IL17RA: variants seen among roughly 807,000 people sequenced by gnomAD.
IL17RA encodes the protein interleukin 17 receptor A, also known as interleukin-17 receptor A.
In IL17RA, 34 loss-of-function variants were observed where a neutral mutation model predicts 50.4. That is an observed-to-expected ratio of 0.67 (90% confidence interval 0.51 to 0.90). The LOEUF (loss-of-function observed/expected upper bound fraction) is 0.90, where lower values mean the gene tolerates loss of function less well. Ranked by LOEUF, IL17RA falls within the 40% of genes least tolerant of loss-of-function variation. The pLI is 0.00. For synonymous variants in IL17RA, 585 were observed against 510.4 expected (o/e 1.15, Z -1.97); for missense variants, 1,276 against 1,169.8 (o/e 1.09, Z -1.32).
chr22:17,100,440 A>G lies in IL17RA; in HGVS notation c.509A>G (p.Asp170Gly). The change falls in exon 5 of 13, where the codon GAT becomes GGT. Residue 170 changes from aspartate to glycine, a missense_variant. Transcript: ENST00000319363. ...CACCACCTGCCCAAGCCCATCCCTG[A>G]TGGGGACCCAAACCACCAGTCCAAG... The part of the protein sequence containing the change: ...TVHHLPKPIP[D>G]GDPNHQSKNF... The G allele has an allele frequency of 6.2e-7, 1 of 1,614,138 alleles. No homozygotes were observed. The highest frequency in any genetic ancestry group is 1.3e-5 in the African/African-American group (1 of 75,020).
rs973738410 is a variant in IL17RA, at chr22:17,108,585, C to A, written c.1366C>A (p.Gln456Lys). ...LCSRGTRAKW[Q>K]ALLGRGAPVR... is the part of the protein sequence containing the mutation. ...CTCCCGCGGCACGCGCGCCAAGTGG[C>A]AGGCGCTCCTGGGCCGGGGGGCGCC... Residue 456 changes from glutamine (Q) to lysine (K), a missense_variant, in exon 13 of 13, where the codon CAG (glutamine) becomes AAG (lysine). Transcript: ENST00000319363. The A allele has an allele frequency of 1.2e-6, 2 of 1,605,604 alleles. No individual in the cohort carries two copies. Among genetic ancestry groups the A allele is most frequent in the Admixed American group, 1.7e-5 (1 of 59,990 alleles).
At chr22:17,098,231 A>G (rs1200071457) in intron 3 of IL17RA, among the ~76,000 whole-genome samples, 1 of 152,258 alleles carries the variant, frequency 6.6e-6, no homozygotes, top group African/African-American at 2.4e-5. Flanking sequence ...TTGTGACTAC[A>G]GTACCAAAAA....
intron 2 of IL17RA, 53 bp downstream of exon 2, chr22:17,097,139 G>A: frequency 1.9e-6 from 3 of 1,540,958 alleles, no homozygotes; most frequent in East Asian, 2.2e-5. Context: ...TCAAGTGAGA[G>A]CCTGCTGCCA....
chr22:17,096,833 G>A (rs1386504188), intron 1 of IL17RA, among the ~76,000 whole-genome samples: 17 of 146,828 alleles, frequency 1.2e-4, no homozygotes, highest in African/African-American at 4.3e-4. Context: ...TCGCGCCACT[G>A]CACTCCAGCC....
chr22:17,103,684 G>T (rs1198267476), intron 8 of IL17RA, 107 bp downstream of exon 8: 38 of 890,686 alleles, frequency 4.3e-5, no homozygotes, highest in Non-Finnish European at 5.7e-5. Context: ...GGACGGGAGT[G>T]GGGAGTGTGC....
In IL17RA at chr22:17,114,630, T is replaced by C. The variant is rs1427882699; in HGVS notation, c.*4810T>C. On this transcript the variant is annotated 3_prime_UTR_variant, in exon 13 of 13. Transcript: ENST00000319363. ...GGGATGCGGGTGGCTGGTCCCTGCA[T>C]TTGCCTGCTTCCCTGCACGGGTGTC... 7.9e-5 allele frequency: 12 copies of C among 152,328 alleles called. No homozygotes were observed. The highest frequency in any genetic ancestry group is 1.6e-4 in the Non-Finnish European group (11 of 68,152). The allele number at this position is 152,328 out of a possible 1,614,324, so 9.4% of individuals were successfully genotyped here.
Position 17,104,652 on chromosome 22 carries a change from C to T in IL17RA, c.847-74C>T. 4 of 1,351,142 alleles carry T rather than the reference C, an allele frequency of 3.0e-6. No homozygotes were observed. The South Asian group carries it at 4.8e-5, about 16-fold the overall frequency. The allele number at this position is 1,351,142 out of a possible 1,614,324, so 83.7% of individuals were successfully genotyped here. ...AGCCAGCCAGGATCCCCTCCTCTCACATTGCCGCTGCTGGCTGGAAGGCAT... is the reference window on the plus strand; with the variant it reads ...AGCCAGCCAGGATCCCCTCCTCTCATATTGCCGCTGCTGGCTGGAAGGCAT... On this transcript the variant is annotated intron_variant, in intron 8 of 12. Transcript: ENST00000319363.
chr22:17,101,929 A>C, intron 5 of IL17RA, 67 bp from the exon 6 acceptor site: 1 of 1,584,436 alleles, frequency 6.3e-7, no homozygotes, highest in South Asian at 1.1e-5. Flanking sequence ...TCTTGGTGTC[A>C]GGAGTCTGGA....
Position 17,102,149 on chromosome 22 carries a change from G to T in IL17RA, c.609G>T (p.Trp203Cys). 3 of 1,614,094 alleles carry T rather than the reference G, an allele frequency of 1.9e-6. No individual in the cohort carries two copies. Among genetic ancestry groups the T allele is most frequent in the Admixed American group, 1.7e-5 (1 of 60,012 alleles). Residue 203 changes from tryptophan (W) to cysteine (C), a missense_variant, in exon 7 of 13, where the codon TGG becomes TGT. By Grantham distance (215) the Trp-to-Cys change is radical (BLOSUM62 -2). Transcript: ENST00000319363. ...TTPCMSSGSL[W>C]DPNITVETLE... is the part of the protein sequence containing the mutation. The stretch of plus-strand genomic sequence containing the variant: ...GTGTGACCTTGGCAGGCAGCCTGTG[G>T]GACCCCAACATCACCGTGGAGACCC...
intron 1 of IL17RA, among the ~76,000 whole-genome samples, chr22:17,096,596 C>T (rs41341847): frequency 2.1e-4 from 32 of 152,202 alleles, no homozygotes; most frequent in African/African-American, 6.5e-4. Context: ...CTGTGCCGGG[C>T]GCGGTGGCTC....
In IL17RA at chr22:17,109,381, T is replaced by C; in HGVS notation, c.2162T>C (p.Val721Ala). 6.2e-7 allele frequency: 1 copy of C among 1,612,212 alleles called. No individual in the cohort carries two copies. Among genetic ancestry groups the C allele is most frequent in the East Asian group, 2.2e-5 (1 of 44,874 alleles). Residue 721 changes from valine (V) to alanine (A), a missense_variant, in exon 13 of 13, where the codon GTG becomes GCG. Physicochemically the swap from Val to Ala is moderately conservative, Grantham distance 64. Transcript: ENST00000319363. ...CGAAATAGCGTCCTCTTCCTCCCCG[T>C]GGACCCCGAGGACTCGCCCCTTGGC... ...AGRNSVLFLP[V>A]DPEDSPLGSS...
intron 2 of IL17RA, chr22:17,097,442 A>G (rs2061372281): frequency 3.9e-6 from 2 of 512,942 alleles, no homozygotes; most frequent in Admixed American, 6.5e-5. Context: ...AAAGAGGCAC[A>G]TATTCAAGTG....
At chr22:17,097,189 G>A in intron 2 of IL17RA, 103 bp downstream of exon 2, 2 of 1,137,424 alleles carry the variant, frequency 1.8e-6, no homozygotes, top group Non-Finnish European at 2.7e-6. Flanking sequence ...CCAGGTTCAG[G>A]CTGTGAGCTA....
chr22:17,088,902 T>C (rs1225163170), intron 1 of IL17RA, among the ~76,000 whole-genome samples: 1 of 151,896 alleles, frequency 6.6e-6, no homozygotes, highest in African/African-American at 2.4e-5. Flanking sequence ...CTCAAGCGAT[T>C]CTCCTGCCTC....
chr22:17,108,779 G>C lies in IL17RA; in HGVS notation c.1560G>C (p.Ala520=). Residue 520 remains alanine, a synonymous_variant, in exon 13 of 13, where the codon GCG becomes GCC. Coordinates refer to ENST00000319363, the MANE Select transcript of IL17RA (RefSeq NM_014339.7). ...DGDVPDLFGA[A]PRYPLMDRFE... is the part of the protein sequence containing the mutation. ...ACGTCCCCGACCTGTTCGGCGCGGC[G>C]CCGCGGTACCCGCTCATGGACAGGT... The C allele has an allele frequency of 6.2e-7, 1 of 1,607,892 alleles. No homozygotes were observed. Among genetic ancestry groups the C allele is most frequent in the South Asian group, 1.1e-5 (1 of 90,410 alleles).
intron 2 of IL17RA, 156 bp from the exon 3 acceptor site, chr22:17,097,641 G>C (rs757782689): frequency 2.4e-5 from 18 of 754,154 alleles, no homozygotes; most frequent in Non-Finnish European, 3.8e-5. Flanking sequence ...AGAGAAGAGG[G>C]AGCAGGGCAG....
Position 17,085,178 on chromosome 22 carries a change from T to G in IL17RA, c.87T>G (p.Gly29=). 1 of 1,525,672 alleles carries G rather than the reference T, an allele frequency of 6.6e-7. No individual in the cohort carries two copies. The highest frequency in any genetic ancestry group is 8.8e-7 in the Non-Finnish European group (1 of 1,141,854). 94.5% of individuals were successfully genotyped at this position (1,525,672 alleles called of 1,614,324 possible). ...TGCTCCTGGGCGTGCTGGCCCCGGGTGGCGCCTCCCTGCGACTCCTGGACC... is the reference window on the plus strand; with the variant it reads ...TGCTCCTGGGCGTGCTGGCCCCGGGGGGCGCCTCCCTGCGACTCCTGGACC... ...LLLLLGVLAP[G]GASLRLLDHR... Residue 29 remains glycine (G), a synonymous_variant, in exon 1 of 13, where the codon GGT becomes GGG. Transcript: ENST00000319363.
At chr22:17,102,517 A>T (rs1444176759) in intron 7 of IL17RA, among the ~76,000 whole-genome samples, 1 of 152,000 alleles carries the variant, frequency 6.6e-6, no homozygotes, top group Non-Finnish European at 1.5e-5. Context: ...CCCATGACTC[A>T]GTCCTTTTTG....
At chr22:17,098,145 C>T (rs1407359809) in intron 3 of IL17RA, among the ~76,000 whole-genome samples, 2 of 152,166 alleles carry the variant, frequency 1.3e-5, no homozygotes, top group African/African-American at 4.8e-5. Context: ...TCTCATCACA[C>T]CATTCTTCAT....
Sources: gnomAD v4.1 joint callset for allele counts (sites outside exome capture counted in the v4.1 genomes callset) on GRCh38, gnomAD v4.1.1 for gene constraint, MANE v1.5 for transcripts, NCBI Gene and HGNC (gene_info 2026-07-23, HGNC 2026-07-21) for gene names.